CLGN: variants seen among roughly 807,000 people sequenced by gnomAD.
The protein encoded by CLGN is testis tissue sperm-binding protein Li 79P.
CLGN carries 62 observed loss-of-function variants against 79.1 expected under a neutral mutation model. The observed-to-expected ratio is 0.78, with a 90% CI of 0.64 to 0.97. The LOEUF (loss-of-function observed/expected upper bound fraction) is 0.97. Ranked by LOEUF, CLGN falls within the 50% of genes least tolerant of loss-of-function variation. The probability of loss-of-function intolerance (pLI) is 0.00; values close to 1 mark genes in which losing one functional copy is unlikely to be tolerated. For synonymous variants in CLGN, 225 were observed against 224.7 expected, an observed-to-expected ratio of 1.00 and a Z score of -0.01; for missense variants, 647 against 715.5, an observed-to-expected ratio of 0.90 and a Z score of 1.09.
intron 1 of CLGN, among the ~76,000 whole-genome samples, chr4:140,420,616 T>C (rs533440655): frequency 1.3e-5 from 2 of 152,204 alleles, no homozygotes; most frequent in East Asian, 3.9e-4. Flanking sequence ...TATCCTATCA[T>C]TCTTCAGTGC....
At chr4:140,405,173 A>ATTTTTTTTTT (rs1491076379) in intron 5 of CLGN, among the ~76,000 whole-genome samples, 1 of 24,992 alleles carries the variant, frequency 4.0e-5, no homozygotes, top group Non-Finnish European at 1.7e-4. Context: ...AATTTTTTTT[A>ATTTTTTTTTT]TTTTTATTTT....
At position 140,392,222 on chromosome 4, in the gene CLGN, T is replaced by G. The variant is rs753730744; in HGVS notation, c.1648A>C (p.Lys550Gln). Residue 550 changes from lysine to glutamine, a missense_variant, in exon 13 of 15, where the codon AAA (lysine) becomes CAA (glutamine). Transcript: ENST00000325617. ...TAAATCACTCTCATCATCTTACCTT[T>G]TTCAAGCATTTCACCATCATTTTGC... is the stretch of plus-strand genomic sequence containing the variant. ...KKQNDGEMLE[K>Q]EEESEPEEKS... The G allele has an allele frequency of 2.5e-6, 4 of 1,612,212 alleles. No individual in the cohort carries two copies. The highest frequency in any genetic ancestry group is 3.3e-4 in the Middle Eastern group (2 of 6,054).
At chr4:140,416,416 G>T (rs1485010701) in intron 1 of CLGN, among the ~76,000 whole-genome samples, 102 of 147,742 alleles carry the variant, frequency 6.9e-4, no homozygotes, top group African/African-American at 2.5e-3. Context: ...TCCAGGAGCT[G>T]GTTTTTTGAA....
chr4:140,392,008 T>G (rs1728782028), intron 13 of CLGN, among the ~76,000 whole-genome samples: 1 of 151,968 alleles, frequency 6.6e-6, no homozygotes, highest in African/African-American at 2.4e-5. Context: ...GAACACTATT[T>G]AAATCTCCTT....
chr4:140,394,844 A>C (rs888779120), intron 10 of CLGN, among the ~76,000 whole-genome samples: 19 of 152,164 alleles, frequency 1.2e-4, no homozygotes, highest in Non-Finnish European at 1.9e-4. Context: ...AGAAACTTTT[A>C]ATATAAAAAG....
In CLGN at chr4:140,406,032, C is replaced by A. The variant is rs1324873797; in HGVS notation, c.329G>T (p.Gly110Val). 6.2e-7 allele frequency: 1 copy of A among 1,613,100 alleles called. No individual in the cohort carries two copies. Among genetic ancestry groups the A allele is most frequent in the African/African-American group, 1.3e-5 (1 of 74,898 alleles). The change falls in exon 5 of 15, where the codon GGA (glycine) becomes GTA (valine). Residue 110 changes from glycine to valine, a missense_variant. Gly to Val is a moderately radical substitution (Grantham distance 109). Coordinates refer to ENST00000325617, the MANE Select transcript of CLGN (RefSeq NM_004362.3). ...LKENQVPGDR[G>V]LVLKSRAKHH... ...CTTTGCTCTAGATTTTAATACCAGTCCTCTGTCACCAGGTACCTGGTTTTC... is the reference window on the plus strand; with the variant it reads ...CTTTGCTCTAGATTTTAATACCAGTACTCTGTCACCAGGTACCTGGTTTTC...
intron 10 of CLGN, among the ~76,000 whole-genome samples, chr4:140,395,295 C>T (rs544376075): frequency 3.3e-5 from 5 of 152,040 alleles, no homozygotes; most frequent in South Asian, 2.1e-4. Flanking sequence ...TACAGGCGTG[C>T]GCCACCACAT....
At chr4:140,390,476 C>T (rs1054629060) in intron 14 of CLGN, 152 bp downstream of exon 14, 1 of 427,932 alleles carries the variant, frequency 2.3e-6, no homozygotes, top group Non-Finnish European at 4.1e-6. Context: ...TCTTTCCTTC[C>T]TTATGGATAT....
intron 1 of CLGN, among the ~76,000 whole-genome samples, chr4:140,419,718 T>G (rs964470982): frequency 5.9e-5 from 9 of 152,150 alleles, no homozygotes; most frequent in African/African-American, 1.9e-4. Context: ...CATAATTACT[T>G]ATATATTTAT....
At chr4:140,392,114 T>C in intron 13 of CLGN, 105 bp downstream of exon 13, 1 of 1,317,938 alleles carries the variant, frequency 7.6e-7, no homozygotes. Context: ...TTCAGATGTA[T>C]AAACTTGATA....
At position 140,427,335 on chromosome 4, in the gene CLGN, G is replaced by C. The variant is rs1010681413; in HGVS notation, c.-10+202C>G. On this transcript the variant is annotated intron_variant, in intron 1 of 14. Transcript: ENST00000325617. ...ACCTCCTGCGTCCACCCACGGGGCC[G>C]CCAGAGCCCAGTCAAGACCCTAGCT... 1.8e-4 allele frequency among the ~76,000 whole-genome samples: 27 copies of C among 152,294 alleles called. 2 individuals are homozygous for C. The highest frequency in any genetic ancestry group is 6.3e-4 in the African/African-American group (26 of 41,580).
At chr4:140,417,633 C>G (rs1729368737) in intron 1 of CLGN, among the ~76,000 whole-genome samples, 1 of 151,270 alleles carries the variant, frequency 6.6e-6, no homozygotes, top group Non-Finnish European at 1.5e-5. Flanking sequence ...ACCTAGGAAT[C>G]CAACTTACAA....
intron 5 of CLGN, among the ~76,000 whole-genome samples, chr4:140,402,686 T>C (rs185042752): frequency 1.9e-3 from 283 of 149,760 alleles, no homozygotes; most frequent in Non-Finnish European, 2.3e-3. Context: ...CTCTTATGAA[T>C]TTACAACACA....
At chr4:140,400,226 G>T (rs1197831080) in intron 7 of CLGN, 131 bp downstream of exon 7, 2 of 617,096 alleles carry the variant, frequency 3.2e-6, no homozygotes, top group Non-Finnish European at 5.6e-6. Context: ...CATTATACAT[G>T]TCCTATTTTC....
intron 13 of CLGN, 140 bp downstream of exon 13, chr4:140,392,079 G>T: frequency 1.9e-6 from 2 of 1,049,428 alleles, no homozygotes; most frequent in Non-Finnish European, 2.8e-6. Context: ...ATTCCTTCTT[G>T]CCACAGTCAC....
In CLGN at chr4:140,393,902, C is replaced by G. The variant is rs1188429932; in HGVS notation, c.1289G>C (p.Cys430Ser). Residue 430 changes from cysteine to serine, a missense_variant, in exon 11 of 15, where the codon TGT (cysteine) becomes TCT (serine). Transcript: ENST00000325617. ...GTGATCTGCTACTTCCTTTTCCGAA[C>G]AGATAATAAAATTATCAAAGTAGAT... ...SDIYFDNFIICSEKEVADHWA... is the reference protein window; with the variant it reads ...SDIYFDNFIISSEKEVADHWA... 3 of 1,613,698 alleles carry G rather than the reference C, an allele frequency of 1.9e-6. No homozygotes were observed. The East Asian group carries it at 6.7e-5, about 36-fold the overall frequency.
At chr4:140,395,068 G>A (rs1426853026) in intron 10 of CLGN, among the ~76,000 whole-genome samples, 8 of 152,024 alleles carry the variant, frequency 5.3e-5, no homozygotes, top group African/African-American at 1.7e-4. Context: ...TCTCAGCTAC[G>A]TAGGAGGGTG....
intron 11 of CLGN, among the ~76,000 whole-genome samples, chr4:140,393,041 GTGATCATTCATTCTGTACTC>G (rs1367135508): frequency 6.6e-6 from 1 of 152,006 alleles, no homozygotes; most frequent in Non-Finnish European, 1.5e-5. Context: ...TTTATTTGAA[GTGATCATTCATTCTGTACTC>G]TGATCATTCA....
intron 11 of CLGN, among the ~76,000 whole-genome samples, chr4:140,392,984 T>C (rs1387761690): frequency 6.6e-6 from 1 of 152,130 alleles, no homozygotes; most frequent in Non-Finnish European, 1.5e-5. Flanking sequence ...ATTTTCCTTT[T>C]TGGTAAATTT....
Sources: gnomAD v4.1 joint callset for allele counts (sites outside exome capture counted in the v4.1 genomes callset) on GRCh38, gnomAD v4.1.1 for gene constraint, MANE v1.5 for transcripts, NCBI Gene and HGNC (gene_info 2026-07-23, HGNC 2026-07-21) for gene names.